NUCB2: variants seen among roughly 807,000 people sequenced by gnomAD.
NUCB2 encodes nucleobindin 2, also known as nucleobindin-2.
A neutral mutation model predicts 57.9 loss-of-function variants in NUCB2; 48 were observed. That is an observed-to-expected ratio of 0.83 (90% CI 0.66 to 1.05). The LOEUF (loss-of-function observed/expected upper bound fraction) is 1.05. NUCB2 is among the 50% of genes least tolerant of loss of function. NUCB2 has a pLI of 0.00. For synonymous variants in NUCB2, 139 were observed against 152.1 expected (o/e 0.91, Z 0.64); for missense variants, 442 against 476.2 (o/e 0.93, Z 0.67).
At chr11:17,299,083 G>A (rs75740468) in intron 4 of NUCB2, among the ~76,000 whole-genome samples, 1 of 152,210 alleles carries the variant, frequency 6.6e-6, no homozygotes, top group Admixed American at 6.5e-5. Context: ...CTGGAAAGGT[G>A]ATGGTACTGC....
chr11:17,286,650 T>C (rs1207157587), intron 2 of NUCB2: 3 of 152,332 alleles, frequency 2.0e-5, no homozygotes, highest in South Asian at 2.1e-4. Context: ...ATCTCTCTTA[T>C]GAAAGAAGAG....
intron 1 of NUCB2, chr11:17,277,245 T>A (rs1477417253): frequency 6.6e-6 from 1 of 152,276 alleles, no homozygotes; most frequent in South Asian, 2.1e-4. Flanking sequence ...GGGATCCTGC[T>A]CTTCTCCGGT....
chr11:17,285,743 CAA>C (rs1159389193), intron 2 of NUCB2, among the ~76,000 whole-genome samples: 22 of 36,114 alleles, frequency 6.1e-4, no homozygotes, highest in East Asian at 1.7e-3. Flanking sequence ...GACTCCGTCT[CAA>C]AAAAAAAAAA....
At position 17,312,103 on chromosome 11, in the gene NUCB2, G is replaced by A; in HGVS notation, c.895G>A (p.Glu299Lys). Reference protein sequence around the residue: ...EMEEERLRMREHVMNEVDTNK... With the variant: ...EMEEERLRMRKHVMNEVDTNK... ...GGAAGAAGAAAGGCTTAGAATGAGG[G>A]AACATGTAATGAATGAGGTATGTTT... is the stretch of plus-strand genomic sequence containing the variant. The change falls in exon 10 of 14, where the codon GAA becomes AAA. Residue 299 changes from glutamate to lysine, a missense_variant. Coordinates refer to ENST00000529010, the MANE Select transcript of NUCB2 (RefSeq NM_005013.4). 1 of 1,524,520 alleles carries A rather than the reference G, an allele frequency of 6.6e-7. No individual in the cohort carries two copies. Among genetic ancestry groups the A allele is most frequent in the East Asian group, 2.3e-5 (1 of 44,222 alleles). 94.4% of individuals were successfully genotyped at this position (1,524,520 alleles called of 1,614,324 possible).
At chr11:17,301,394 C>A (rs895540121) in intron 4 of NUCB2, among the ~76,000 whole-genome samples, 1 of 151,076 alleles carries the variant, frequency 6.6e-6, no homozygotes. Context: ...TTCTTCTGCC[C>A]CAGCCTCCCA....
At chr11:17,291,562 C>CAAAAAAAAAAAAAAAA (rs1944953161) in intron 2 of NUCB2, among the ~76,000 whole-genome samples, 1 of 31,164 alleles carries the variant, frequency 3.2e-5, no homozygotes, top group Non-Finnish European at 7.5e-5. Context: ...AAAAAAAAAT[C>CAAAAAAAAAAAAAAAA]AGTCTTTTGT....
chr11:17,309,680 GAAT>G lies in NUCB2; in HGVS notation c.483+9_483+11del. ...TTAGATATGCTAATCAAAGCGGTGA[GAAT>G]AATTCCAAAAAGTTTTGTCTTTATT... On this transcript the variant is annotated splice_donor_region_variant and intron_variant, in intron 6 of 13. Coordinates refer to ENST00000529010, the MANE Select transcript of NUCB2 (RefSeq NM_005013.4). The G allele has an allele frequency of 1.3e-6, 2 of 1,567,402 alleles. No homozygotes were observed. The highest frequency in any genetic ancestry group is 1.7e-6 in the Non-Finnish European group (2 of 1,158,016).
chr11:17,310,594 C>T (rs189746288), intron 6 of NUCB2, among the ~76,000 whole-genome samples: 4 of 151,766 alleles, frequency 2.6e-5, no homozygotes, highest in Admixed American at 1.3e-4. Flanking sequence ...GGCAGTGAGC[C>T]GAAATCGTGC....
chr11:17,314,032 C>T (rs941904463), intron 10 of NUCB2, among the ~76,000 whole-genome samples: 3 of 152,272 alleles, frequency 2.0e-5, no homozygotes, highest in African/African-American at 7.2e-5. Context: ...ACATCTTCTT[C>T]AAACCCAGAT....
At chr11:17,325,305 G>A (rs1950535926) in intron 11 of NUCB2, among the ~76,000 whole-genome samples, 1 of 152,150 alleles carries the variant, frequency 6.6e-6, no homozygotes, top group Non-Finnish European at 1.5e-5. Context: ...AGCTATTATT[G>A]TATTGAGGCC....
At chr11:17,329,293 G>A (rs1219288854) in intron 11 of NUCB2, among the ~76,000 whole-genome samples, 1 of 152,196 alleles carries the variant, frequency 6.6e-6, no homozygotes, top group Non-Finnish European at 1.5e-5. Flanking sequence ...TCACCAGCTG[G>A]TATCTCCCCT....
At chr11:17,296,531 A>G (rs1047693277) in intron 4 of NUCB2, among the ~76,000 whole-genome samples, 3 of 152,218 alleles carry the variant, frequency 2.0e-5, no homozygotes, top group Non-Finnish European at 1.5e-5. Flanking sequence ...ATGAGTATTT[A>G]ATCTAGAAAT....
intron 2 of NUCB2, among the ~76,000 whole-genome samples, chr11:17,339,866 G>A (rs960898309): frequency 1.3e-5 from 2 of 152,020 alleles, no homozygotes; most frequent in Non-Finnish European, 2.9e-5. Flanking sequence ...GGGTATATAC[G>A]CAGTAATGGG....
intron 2 of NUCB2, among the ~76,000 whole-genome samples, chr11:17,285,173 A>T (rs1006224856): frequency 1.3e-5 from 2 of 152,070 alleles, no homozygotes; most frequent in Non-Finnish European, 2.9e-5. Context: ...CATGCCTGTA[A>T]TCCCAGCACT....
intron 2 of NUCB2, among the ~76,000 whole-genome samples, chr11:17,290,649 TAC>T (rs1380128129): frequency 2.6e-5 from 4 of 152,098 alleles, no homozygotes; most frequent in Non-Finnish European, 5.9e-5. Flanking sequence ...TATATATATA[TAC>T]CTAATATTTG....
intron 11 of NUCB2, among the ~76,000 whole-genome samples, chr11:17,323,541 T>C (rs1950290760): frequency 6.6e-6 from 1 of 152,232 alleles, no homozygotes; most frequent in Admixed American, 6.5e-5. Flanking sequence ...CTTTTTTCGA[T>C]GTGACTTTGT....
Position 17,312,024 on chromosome 11 carries a change from T to C in NUCB2, c.820-4T>C, listed in dbSNP as rs1418932529. 6.4e-7 allele frequency: 1 copy of C among 1,570,782 alleles called. No homozygotes were observed. The highest frequency in any genetic ancestry group is 1.4e-5 in the African/African-American group (1 of 72,542). On this transcript the variant is annotated splice_polypyrimidine_tract_variant and splice_region_variant and intron_variant, in intron 9 of 13. Transcript: ENST00000529010. ...TCATGTTCATTTAAAATTTTTCTTT[T>C]TAGTTGGAGAAAGTATATGACCCTA...
In NUCB2 at chr11:17,330,031, C is replaced by G; in HGVS notation, c.1003-96C>G. ...CTCCAAAGGCGTAATCCTATAGATA[C>G]TCTTTTATACTTTGCTAACCATAGA... On this transcript the variant is annotated intron_variant, in intron 11 of 13. Transcript: ENST00000529010. This position sits in a 1 kb window ranked among gnomAD's most constrained non-coding sequence, Gnocchi z 4.3. 1.6e-6 allele frequency: 1 copy of G among 622,966 alleles called. No individual in the cohort carries two copies. The highest frequency in any genetic ancestry group is 2.9e-5 in the South Asian group (1 of 34,836). 38.6% of individuals were successfully genotyped at this position (622,966 alleles called of 1,614,324 possible).
chr11:17,315,955 G>A (rs1018173907), intron 11 of NUCB2, among the ~76,000 whole-genome samples: 1 of 151,868 alleles, frequency 6.6e-6, no homozygotes. Context: ...TGTGTTTTTT[G>A]TTGTTGTTTG....
Sources: allele counts gnomAD v4.1 joint callset (sites outside exome capture counted in the v4.1 genomes callset), GRCh38; gene constraint gnomAD v4.1.1; non-coding constraint Gnocchi (gnomAD v3.1); transcripts MANE v1.5; gene names NCBI Gene and HGNC (gene_info 2026-07-23, HGNC 2026-07-21).